The following LRBA variants were observed in gnomAD, a reference collection of about 807,000 sequenced individuals.
LRBA encodes LPS responsive beige-like anchor protein.
A neutral mutation model predicts 330.0 loss-of-function variants in LRBA; 176 were observed. The ratio of observed to expected loss-of-function variants is 0.53; its 90% CI spans 0.47 to 0.60. The LOEUF is 0.60. LRBA is among the 20% of genes least tolerant of loss of function. The pLI is 0.00. For synonymous variants in LRBA, 1,230 were observed against 1,193.0 expected (o/e 1.03, Z -0.64); for missense variants, 3,259 against 3,444.8 (o/e 0.95, Z 1.35).
At chr4:150,295,863 T>C (rs1017353617) in intron 53 of LRBA, among the ~76,000 whole-genome samples, 3 of 152,240 alleles carry the variant, frequency 2.0e-5, no homozygotes, top group Non-Finnish European at 4.4e-5. Context: ...ACTAATGTGC[T>C]TCTTTTTTCC....
chr4:150,499,604 C>T (rs962130332), intron 40 of LRBA, among the ~76,000 whole-genome samples: 1 of 151,656 alleles, frequency 6.6e-6, no homozygotes, highest in Non-Finnish European at 1.5e-5. Context: ...GACTGCACCA[C>T]TGTACTTCAG....
intron 44 of LRBA, among the ~76,000 whole-genome samples, chr4:150,460,742 G>A: frequency 6.6e-6 from 1 of 151,624 alleles, no homozygotes. Context: ...TCATTTTGTG[G>A]TTACAATCTA....
At chr4:150,772,022 T>C (rs1306901363) in intron 34 of LRBA, among the ~76,000 whole-genome samples, 1 of 152,162 alleles carries the variant, frequency 6.6e-6, no homozygotes, top group Non-Finnish European at 1.5e-5. Flanking sequence ...CCCCTAAACT[T>C]TTTTTGTCAA....
intron 28 of LRBA, 117 bp from the exon 29 acceptor site, chr4:150,832,093 T>A (rs1302099488): frequency 4.1e-6 from 2 of 487,396 alleles, no homozygotes; most frequent in Non-Finnish European, 7.0e-6. Context: ...ACACAGAAAA[T>A]ACATTACCTA....
At chr4:150,927,078 GAAAA>G (rs1340151435) in intron 4 of LRBA, among the ~76,000 whole-genome samples, 1 of 107,124 alleles carries the variant, frequency 9.3e-6, no homozygotes, top group Non-Finnish European at 2.0e-5. Context: ...TCAAAAGAAA[GAAAA>G]AAAAAAAAAA....
rs1429226353 is a variant in LRBA at position 150,841,322 on chromosome 4, T to A, written c.4569+2778A>T. ...TGAAGTTTACAGTATATGCCTGATT[T>A]TTGGCCTCAAATAAAAAATATCCCA... On this transcript the variant is annotated intron_variant, in intron 28 of 56. Transcript: ENST00000651943. Among the ~76,000 whole-genome samples, 3 of 152,222 alleles carry A rather than the reference T, an allele frequency of 2.0e-5. No individual in the cohort carries two copies. The East Asian group carries it at 5.8e-4, about 29-fold the overall frequency.
intron 22 of LRBA, among the ~76,000 whole-genome samples, chr4:150,860,077 T>C (rs528764610): frequency 1.7e-4 from 26 of 152,272 alleles, no homozygotes; most frequent in Non-Finnish European, 3.5e-4. Flanking sequence ...TAAGTTTCTG[T>C]CTTATTTTAA....
intron 44 of LRBA, among the ~76,000 whole-genome samples, chr4:150,460,443 C>A (rs974986453): frequency 6.6e-6 from 1 of 151,760 alleles, no homozygotes; most frequent in Non-Finnish European, 1.5e-5. Flanking sequence ...CAGTTCTCTT[C>A]GGTTTTGTCA....
intron 9 of LRBA, 76 bp from the exon 10 acceptor site, chr4:150,908,933 T>A (rs980627196): frequency 6.4e-6 from 6 of 938,182 alleles, no homozygotes; most frequent in Non-Finnish European, 9.7e-6. Flanking sequence ...GGTGTAAAAC[T>A]TTAAGGAGAC....
chr4:150,864,122 G>A (rs1354284443), intron 22 of LRBA, among the ~76,000 whole-genome samples: 1 of 152,004 alleles, frequency 6.6e-6, no homozygotes, highest in African/African-American at 2.4e-5. Context: ...ATTTTTAGTA[G>A]AGACAGGGTT....
In LRBA at chr4:150,945,190, G is replaced by A. The variant is rs1157564203; in HGVS notation, c.217-16125C>T. Among the ~76,000 whole-genome samples the A allele has an allele frequency of 3.3e-5, 5 of 152,156 alleles. No homozygotes were observed. In the South Asian group the frequency reaches 8.3e-4, roughly 25 times the overall value. Reference sequence around the variant, plus strand: ...GTATTTAGAGTTCAAGGAAAAAAAGGCAGAATCAAATAATTCGAGTACCTA... The same window carrying A: ...GTATTTAGAGTTCAAGGAAAAAAAGACAGAATCAAATAATTCGAGTACCTA... On this transcript the variant is annotated intron_variant, in intron 2 of 56. Coordinates refer to ENST00000651943, the MANE Select transcript of LRBA (RefSeq NM_001364905.1).
chr4:150,420,267 G>GTA (rs1748458919), intron 46 of LRBA, among the ~76,000 whole-genome samples: 2 of 140,706 alleles, frequency 1.4e-5, no homozygotes, highest in East Asian at 4.2e-4. Flanking sequence ...TACATATATG[G>GTA]TATATATATA....
intron 40 of LRBA, chr4:150,579,134 T>C (rs2126336059): frequency 2.4e-6 from 1 of 424,270 alleles, no homozygotes; most frequent in South Asian, 1.7e-5. Flanking sequence ...TCTCCTTTAA[T>C]AGAATATAGT....
At chr4:150,529,658 G>A (rs1279626570) in intron 40 of LRBA, among the ~76,000 whole-genome samples, 1 of 151,692 alleles carries the variant, frequency 6.6e-6, no homozygotes, top group East Asian at 1.9e-4. Flanking sequence ...GGTAGCGGAG[G>A]TTGCAGTGAG....
chr4:150,899,519 G>C (rs1386048748), intron 14 of LRBA, among the ~76,000 whole-genome samples: 1 of 152,088 alleles, frequency 6.6e-6, no homozygotes, highest in Non-Finnish European at 1.5e-5. Flanking sequence ...TATGTCAAAA[G>C]TTTTATTTTG....
chr4:150,351,255 A>T (rs1259699947), intron 47 of LRBA, among the ~76,000 whole-genome samples: 13 of 152,226 alleles, frequency 8.5e-5, no homozygotes, highest in Non-Finnish European at 1.5e-4. Context: ...GATATTTTTT[A>T]GGAAACTATC....
chr4:150,487,880 T>G (rs1006744639), intron 41 of LRBA, 46 bp from the exon 42 acceptor site: 13 of 1,075,522 alleles, frequency 1.2e-5, no homozygotes, highest in Non-Finnish European at 1.8e-5. Context: ...ATAACTTCCT[T>G]TCTGGAAAAC....
At chr4:151,008,139 G>C (rs945915029) in intron 2 of LRBA, among the ~76,000 whole-genome samples, 1 of 150,928 alleles carries the variant, frequency 6.6e-6, no homozygotes, top group African/African-American at 2.4e-5. Flanking sequence ...GGAGTGCAGT[G>C]GTGTGATTTC....
At chr4:150,705,493 G>T (rs1582101087) in intron 36 of LRBA, among the ~76,000 whole-genome samples, 1 of 152,056 alleles carries the variant, frequency 6.6e-6, no homozygotes, top group East Asian at 1.9e-4. Flanking sequence ...TTCACAAGAG[G>T]CAAGTATAAC....
Sources: allele counts gnomAD v4.1 joint callset (sites outside exome capture counted in the v4.1 genomes callset), GRCh38; gene constraint gnomAD v4.1.1; transcripts MANE v1.5; gene names NCBI Gene and HGNC (gene_info 2026-07-23, HGNC 2026-07-21).